COL21A1: variants seen among roughly 807,000 people sequenced by gnomAD.
COL21A1 encodes collagen alpha-1(XXI) chain.
Under a neutral mutation model 137.9 loss-of-function variants are expected in COL21A1, and 149 were observed. The ratio of observed to expected loss-of-function variants is 1.08; its 90% CI spans 0.95 to 1.24. The LOEUF is 1.24. Ranked by LOEUF, COL21A1 falls within the 50% of genes most tolerant of loss-of-function variation. The pLI is 0.00. For missense variants in COL21A1, 1,167 were observed against 1,158.4 expected (o/e 1.01, Z -0.11); for synonymous variants, 456 against 391.5 (o/e 1.16, Z -1.95).
chr6:56,279,761 A>T (rs954265007), intron 1 of COL21A1, among the ~76,000 whole-genome samples: 18 of 152,224 alleles, frequency 1.2e-4, no homozygotes, highest in Admixed American at 1.2e-3. Context: ...ACTAGTGAGA[A>T]CACTGAGATG....
Position 56,149,925 on chromosome 6 carries a change from C to T in COL21A1, c.1434+6962G>A, listed in dbSNP as rs2152247984. The stretch of plus-strand genomic sequence containing the variant: ...TTTCTTTTAAAAATAAGTTAAATCA[C>T]ATCGGTCTCCTACTCCAGTTACTCC... On this transcript the variant is annotated intron_variant, in intron 10 of 29. Coordinates refer to ENST00000244728, the MANE Select transcript of COL21A1 (RefSeq NM_030820.4). Among the ~76,000 whole-genome samples, 3 of 152,300 alleles carry T rather than the reference C, an allele frequency of 2.0e-5. No homozygotes were observed. The Middle Eastern group carries it at 0.01, about 518-fold the overall frequency.
At chr6:56,189,454 A>G (rs1188456739) in intron 1 of COL21A1, among the ~76,000 whole-genome samples, 1 of 152,170 alleles carries the variant, frequency 6.6e-6, no homozygotes, top group Non-Finnish European at 1.5e-5. Context: ...AGCCTCCAAG[A>G]AATATGGGAA....
rs749253480 is a variant in COL21A1, at chr6:56,060,188, C to T, written c.2438G>A (p.Arg813Lys). 6.2e-7 allele frequency: 1 copy of T among 1,607,762 alleles called. No homozygotes were observed. The highest frequency in any genetic ancestry group is 1.7e-5 in the Admixed American group (1 of 58,372). The change falls in exon 28 of 30, where the codon AGA becomes AAA. Residue 813 changes from arginine to lysine, a missense_variant. Coordinates refer to ENST00000244728, the MANE Select transcript of COL21A1 (RefSeq NM_030820.4). ...AQLPVLLQSG[R>K]IRNCDHCLSQ... ...CAGGCAATGATCACAATTTCTAATTCTTCCACTCTGAAGTAAGACTGGTAG... is the reference window on the plus strand; with the variant it reads ...CAGGCAATGATCACAATTTCTAATTTTTCCACTCTGAAGTAAGACTGGTAG...
intron 1 of COL21A1, among the ~76,000 whole-genome samples, chr6:56,312,303 G>A (rs186349390): frequency 1.3e-5 from 2 of 152,326 alleles, no homozygotes; most frequent in Non-Finnish European, 2.9e-5. Context: ...TAGAGAAACA[G>A]CAGCAGGGAA....
rs1002412256 is a variant in COL21A1, at chr6:56,246,670, A to G, written c.-39+717T>C. Among the ~76,000 whole-genome samples, 14 of 152,258 alleles carry G rather than the reference A, an allele frequency of 9.2e-5. 1 individual carries two copies. Among genetic ancestry groups the G allele is most frequent in the Admixed American group, 7.2e-4 (11 of 15,298 alleles). Reference sequence around the variant, plus strand: ...CTCATTAAAACACAGGTTTCTGGGCACCAGCCTCAGGGTTTTAGGTTCAGT... The same window carrying G: ...CTCATTAAAACACAGGTTTCTGGGCGCCAGCCTCAGGGTTTTAGGTTCAGT... On this transcript the variant is annotated intron_variant, in intron 1 of 29. Coordinates refer to ENST00000244728, the MANE Select transcript of COL21A1 (RefSeq NM_030820.4).
At chr6:56,254,700 A>G (rs1782927369) in intron 1 of COL21A1, among the ~76,000 whole-genome samples, 1 of 152,184 alleles carries the variant, frequency 6.6e-6, no homozygotes, top group Non-Finnish European at 1.5e-5. Context: ...AAAAGCTATA[A>G]AAATCCCAGC....
chr6:56,271,392 AG>A (rs1763521939), intron 1 of COL21A1, among the ~76,000 whole-genome samples: 1 of 152,314 alleles, frequency 6.6e-6, no homozygotes, highest in African/African-American at 2.4e-5. Context: ...TAAGCAGCAA[AG>A]TTTTCAAGAG....
intron 1 of COL21A1, among the ~76,000 whole-genome samples, chr6:56,393,768 C>G (rs1426334407): frequency 6.6e-6 from 1 of 152,126 alleles, no homozygotes; most frequent in Non-Finnish European, 1.5e-5. Context: ...TGTGCTAGTC[C>G]CCAGAGGGAT....
At chr6:56,097,830 T>TATATATGA (rs1769530657) in intron 17 of COL21A1, among the ~76,000 whole-genome samples, 1 of 50,408 alleles carries the variant, frequency 2.0e-5, no homozygotes, top group Non-Finnish European at 3.5e-5. Context: ...TACATATAAA[T>TATATATGA]ATATATAAAT....
intron 17 of COL21A1, among the ~76,000 whole-genome samples, chr6:56,088,038 T>C (rs1768423275): frequency 6.6e-6 from 1 of 152,132 alleles, no homozygotes; most frequent in Non-Finnish European, 1.5e-5. Context: ...AAATTCTTCA[T>C]CTTTGTTTTG....
intron 12 of COL21A1, among the ~76,000 whole-genome samples, chr6:56,135,756 G>T (rs553599517): frequency 6.6e-6 from 1 of 152,210 alleles, no homozygotes; most frequent in South Asian, 2.1e-4. Context: ...TCCCTACATC[G>T]TATAGCTATG....
At chr6:56,366,831 G>T (rs1286171402) in intron 1 of COL21A1, among the ~76,000 whole-genome samples, 1 of 152,210 alleles carries the variant, frequency 6.6e-6, no homozygotes, top group Non-Finnish European at 1.5e-5. Flanking sequence ...GCAATAGTTT[G>T]TAAGATGGTT....
intron 1 of COL21A1, among the ~76,000 whole-genome samples, chr6:56,342,458 G>A (rs1264611392): frequency 1.3e-5 from 2 of 152,226 alleles, no homozygotes; most frequent in Non-Finnish European, 2.9e-5. Flanking sequence ...CTCTTCAGGA[G>A]TGGGCAAAGG....
intron 1 of COL21A1, among the ~76,000 whole-genome samples, chr6:56,222,523 T>C (rs1490203177): frequency 2.0e-5 from 3 of 152,124 alleles, no homozygotes; most frequent in Non-Finnish European, 4.4e-5. Flanking sequence ...AAAAGAGGCA[T>C]TGCTTCTCTA....
chr6:56,089,665 C>T lies in COL21A1; in HGVS notation c.1812+11807G>A, dbSNP rs957040573. ...ATCCTGTATACATGGTAAGTTTCCT[C>T]TCATCCATTCTCTTCAAATCAGAGA... On this transcript the variant is annotated intron_variant, in intron 17 of 29. Coordinates refer to ENST00000244728, the MANE Select transcript of COL21A1 (RefSeq NM_030820.4). Among the ~76,000 whole-genome samples the T allele has an allele frequency of 3.2e-4, 48 of 152,296 alleles. 1 individual carries two copies. The highest frequency in any genetic ancestry group is 6.5e-5 in the Admixed American group (1 of 15,276).
chr6:56,367,542 G>A (rs985091135), intron 1 of COL21A1, among the ~76,000 whole-genome samples: 5 of 152,204 alleles, frequency 3.3e-5, no homozygotes, highest in African/African-American at 1.2e-4. Flanking sequence ...AATAAGGGGA[G>A]ATAACCAATC....
chr6:56,130,086 C>T (rs1773399233), intron 12 of COL21A1, among the ~76,000 whole-genome samples: 1 of 148,970 alleles, frequency 6.7e-6, no homozygotes, highest in Non-Finnish European at 1.5e-5. Context: ...CTGAAGATTC[C>T]TCACTCAACA....
At chr6:56,176,408 C>A (rs1777472525) in intron 3 of COL21A1, among the ~76,000 whole-genome samples, 1 of 134,558 alleles carries the variant, frequency 7.4e-6, no homozygotes, top group Non-Finnish European at 1.6e-5. Flanking sequence ...AAATAATAAA[C>A]TCTAACTCAG....
At chr6:56,254,092 C>T (rs573894915) in intron 1 of COL21A1, among the ~76,000 whole-genome samples, 2 of 152,288 alleles carry the variant, frequency 1.3e-5, no homozygotes, top group South Asian at 4.1e-4. Context: ...TGAGTGAAAT[C>T]ATATTTCCTA....
Sources: allele counts gnomAD v4.1 joint callset (sites outside exome capture counted in the v4.1 genomes callset), GRCh38; gene constraint gnomAD v4.1.1; transcripts MANE v1.5; gene names NCBI Gene and HGNC (gene_info 2026-07-23, HGNC 2026-07-21).